The following ADGRB1 variants were observed in gnomAD, a reference collection of about 807,000 sequenced individuals.
ADGRB1 encodes the protein adhesion G protein-coupled receptor B1, also known as brain-specific angiogenesis inhibitor 1.
A neutral mutation model predicts 175.7 loss-of-function variants in ADGRB1; 36 were observed. The observed-to-expected ratio is 0.20, with a 90% CI of 0.16 to 0.27. ADGRB1 has a LOEUF of 0.27. ADGRB1 is among the 10% of genes least tolerant of loss of function. The pLI is 1.00. For missense variants in ADGRB1, 1,731 were observed against 2,255.3 expected (o/e 0.77, Z 4.71); for synonymous variants, 1,054 against 979.4 (o/e 1.08, Z -1.42).
At chr8:142,508,615 A>G (rs2132024293) in intron 17 of ADGRB1, among the ~76,000 whole-genome samples, 1 of 152,330 alleles carries the variant, frequency 6.6e-6, no homozygotes, top group East Asian at 1.9e-4. Flanking sequence ...TTGCGGACGC[A>G]GAACAGCCTG....
At position 142,481,674 on chromosome 8, in the gene ADGRB1, G is replaced by A. The variant is rs774003073; in HGVS notation, c.2093G>A (p.Arg698Gln). The change falls in exon 11 of 31, where the codon CGG becomes CAG. Residue 698 changes from arginine to glutamine, a missense_variant. Arg to Gln is a conservative substitution (Grantham distance 43, BLOSUM62 1). Around this residue, in one of 8 missense-constraint regions of ADGRB1, gnomAD observed 388 missense variants for 630.9 expected, o/e 0.61. Coordinates refer to ENST00000517894, the MANE Select transcript of ADGRB1 (RefSeq NM_001702.3). ...DVLRNMTEIF[R>Q]RAYYSPTPGD... ...CTGAGGAACATGACAGAGATTTTCCGGAGAGCGTACTACAGCCCCACCCCT... is the reference window on the plus strand; with the variant it reads ...CTGAGGAACATGACAGAGATTTTCCAGAGAGCGTACTACAGCCCCACCCCT... The A allele has an allele frequency of 1.0e-5, 16 of 1,603,256 alleles. No homozygotes were observed. Among genetic ancestry groups the A allele is most frequent in the Admixed American group, 1.7e-5 (1 of 58,998 alleles).
At chr8:142,478,394 C>A (rs1332388098) in intron 7 of ADGRB1, 34 bp downstream of exon 7, 11 of 1,552,708 alleles carry the variant, frequency 7.1e-6, no homozygotes, top group Non-Finnish European at 9.6e-6. Flanking sequence ...TCGGGGGGCA[C>A]CTAACAAGCA....
chr8:142,498,015 G>T (rs1262755254), intron 17 of ADGRB1, among the ~76,000 whole-genome samples: 1 of 152,108 alleles, frequency 6.6e-6, no homozygotes, highest in Non-Finnish European at 1.5e-5. Flanking sequence ...CTTCTGCCTG[G>T]CCCAGGGGCC....
At chr8:142,456,429 A>G (rs150420135) in intron 1 of ADGRB1, among the ~76,000 whole-genome samples, 2 of 152,258 alleles carry the variant, frequency 1.3e-5, no homozygotes, top group East Asian at 3.9e-4. Flanking sequence ...CTGCACGTGC[A>G]CACACTTCCT....
chr8:142,462,679 C>T (rs377031488), intron 1 of ADGRB1, among the ~76,000 whole-genome samples: 8 of 152,354 alleles, frequency 5.3e-5, no homozygotes, highest in African/African-American at 9.6e-5. Flanking sequence ...GGCGGGCGAC[C>T]GGCATTTGTG....
rs940509457 is a variant in ADGRB1, at chr8:142,505,129, T to C, written c.2676-5803T>C. 2.6e-5 allele frequency among the ~76,000 whole-genome samples: 4 copies of C among 152,276 alleles called. No homozygotes were observed. The East Asian group carries it at 7.7e-4, about 29-fold the overall frequency. ...TGTCCCCTTGTGTCCCATGAATGAG[T>C]AGGCCCTGTGCGGGCACTGTGCCTC... On this transcript the variant is annotated intron_variant, in intron 17 of 30. Coordinates refer to ENST00000517894, the MANE Select transcript of ADGRB1 (RefSeq NM_001702.3).
In ADGRB1 at chr8:142,483,982, TG is replaced by T. The variant is rs1279204081; in HGVS notation, c.2137del (p.Val713SerfsTer44). The T allele has an allele frequency of 6.2e-7, 1 of 1,612,982 alleles. No homozygotes were observed. ...SPTPGDVQNFVQILSNLLAEE... is the reference protein window; with the variant it reads ...SPTPGDVQNFXQILSNLLAEE... The stretch of plus-strand genomic sequence containing the variant: ...CTTCTTCCTCTTCTTTCCAGAACTT[TG>T]TCCAGATCCTTAGCAACCTGTTGGC... On this transcript the variant is annotated frameshift_variant, in exon 12 of 31. Transcript: ENST00000517894. LOFTEE classifies it high-confidence loss of function.
At position 142,464,687 on chromosome 8, in the gene ADGRB1, G is replaced by A. The variant is rs1840162120; in HGVS notation, c.489G>A (p.Pro163=). The A allele has an allele frequency of 3.3e-6, 5 of 1,526,954 alleles. No homozygotes were observed. The highest frequency in any genetic ancestry group is 4.4e-6 in the Non-Finnish European group (5 of 1,142,638). 94.6% of individuals were successfully genotyped at this position (1,526,954 alleles called of 1,614,324 possible). ...HDGLRPRAGP[P]GPTDDFSVEY... ...GGCTCCGGCCCCGGGCCGGGCCGCC[G>A]GGCCCCACCGACGACTTCTCCGTGG... The change falls in exon 2 of 31, where the codon CCG becomes CCA. Residue 163 remains proline, a synonymous_variant. Transcript: ENST00000517894.
chr8:142,483,950 A>C, intron 11 of ADGRB1, 27 bp from the exon 12 acceptor site: 3 of 1,612,330 alleles, frequency 1.9e-6, no homozygotes. Context: ...GTTCTCTGTC[A>C]CTGGCCCTTC....
chr8:142,479,050 C>T (rs1160563783), intron 7 of ADGRB1: 9 of 357,486 alleles, frequency 2.5e-5, no homozygotes, highest in Middle Eastern at 7.0e-4. Context: ...GTGGGGTGGC[C>T]GTGGGGTAGT....
chr8:142,516,329 ATGCGTGTGTGCGGGCCCCAGGTGCG>A (rs2132079074), intron 18 of ADGRB1, among the ~76,000 whole-genome samples: 1 of 53,144 alleles, frequency 1.9e-5, no homozygotes, highest in Admixed American at 2.5e-4. Flanking sequence ...CCCCAGGTGC[ATGCGTGTGTGCGGGCCCCAGGTGCG>A]TGCGTGTGTG....
Position 142,492,194 on chromosome 8 carries a change from A to C in ADGRB1, c.2675+1379A>C. On this transcript the variant is annotated intron_variant, in intron 17 of 30. Coordinates refer to ENST00000517894, the MANE Select transcript of ADGRB1 (RefSeq NM_001702.3). This position sits in a 1 kb window ranked among gnomAD's most constrained non-coding sequence, Gnocchi z 4.4. ...TCTTTAATCTATATCCACTGCCACC[A>C]CCTTCTACCCACCACCCATCCACCG... is the stretch of plus-strand genomic sequence containing the variant. Among the ~76,000 whole-genome samples the C allele has an allele frequency of 6.7e-6, 1 of 150,194 alleles. No homozygotes were observed. The highest frequency in any genetic ancestry group is 1.5e-5 in the Non-Finnish European group (1 of 67,486).
intron 2 of ADGRB1, among the ~76,000 whole-genome samples, chr8:142,469,854 A>ACAC (rs1840553497): frequency 6.6e-6 from 1 of 152,182 alleles, no homozygotes; most frequent in Admixed American, 6.5e-5. Context: ...CATTCAGAAG[A>ACAC]CACACAGCTG....
intron 24 of ADGRB1, among the ~76,000 whole-genome samples, chr8:142,526,847 G>T (rs1036496579): frequency 6.6e-6 from 1 of 152,222 alleles, no homozygotes; most frequent in Non-Finnish European, 1.5e-5. Flanking sequence ...CCTGGACAGG[G>T]TGGGTCCCAT....
At chr8:142,536,529 G>C (rs568421246) in intron 25 of ADGRB1, among the ~76,000 whole-genome samples, 19 of 152,284 alleles carry the variant, frequency 1.2e-4, no homozygotes, top group East Asian at 3.9e-4. Flanking sequence ...TGGCTCTGGG[G>C]AGGGGCCAGG....
Position 142,528,125 on chromosome 8 carries a change from A to G in ADGRB1, c.3398+1498A>G, listed in dbSNP as rs79085613. 8.4e-3 allele frequency among the ~76,000 whole-genome samples: 1,285 copies of G among 152,268 alleles called. 12 individuals carry two copies. The highest frequency in any genetic ancestry group is 0.012 in the Non-Finnish European group (792 of 68,006). On this transcript the variant is annotated intron_variant, in intron 24 of 30. Transcript: ENST00000517894. The stretch of plus-strand genomic sequence containing the variant: ...TACACCGGTCTATGTGTGCACGCAC[A>G]CCCACACGCATGGGCACACACACGT...
chr8:142,485,082 CAG>C (rs1402906171), intron 13 of ADGRB1, among the ~76,000 whole-genome samples: 1 of 152,218 alleles, frequency 6.6e-6, no homozygotes, highest in Non-Finnish European at 1.5e-5. Flanking sequence ...GCTTTAGAGG[CAG>C]GGGCTGTGCA....
chr8:142,513,765 G>A (rs1040204055), intron 18 of ADGRB1, among the ~76,000 whole-genome samples: 5 of 152,112 alleles, frequency 3.3e-5, no homozygotes, highest in Middle Eastern at 3.2e-3. Flanking sequence ...TTTACCAGCC[G>A]AGCATTGTGG....
intron 2 of ADGRB1, among the ~76,000 whole-genome samples, chr8:142,466,639 G>T (rs1840291496): frequency 6.6e-6 from 1 of 152,252 alleles, no homozygotes; most frequent in Non-Finnish European, 1.5e-5. Context: ...ACCAGGCAGA[G>T]TGGAGGTCAC....
Sources: gnomAD v4.1 joint callset for allele counts (sites outside exome capture counted in the v4.1 genomes callset) on GRCh38, gnomAD v4.1.1 for gene constraint, gnomAD v4.1.1 regional missense constraint, Gnocchi (gnomAD v3.1) non-coding constraint, MANE v1.5 for transcripts, NCBI Gene and HGNC (gene_info 2026-07-23, HGNC 2026-07-21) for gene names.